Variants in NAV3 observed in about 807,000 individuals in gnomAD.
The protein encoded by NAV3 is pore membrane and/or filament interacting like protein 1.
In NAV3, 87 loss-of-function variants were observed where a neutral mutation model predicts 244.7. The observed-to-expected ratio is 0.36, with a 90% CI of 0.30 to 0.42. NAV3 has a LOEUF of 0.42. NAV3 is among the 20% of genes least tolerant of loss of function. NAV3 has a pLI of 1.00. For synonymous variants in NAV3, 1,126 were observed against 1,042.2 expected (o/e 1.08, Z -1.55); for missense variants, 2,663 against 2,893.3 (o/e 0.92, Z 1.83).
chr12:77,708,162 A>G (rs1261058747), intron 2 of NAV3, among the ~76,000 whole-genome samples: 1 of 152,026 alleles, frequency 6.6e-6, no homozygotes, highest in Non-Finnish European at 1.5e-5. Flanking sequence ...GTATTGCCTA[A>G]GTTTTCTTCT....
chr12:77,776,183 A>G (rs1290358430), intron 2 of NAV3, among the ~76,000 whole-genome samples: 1 of 152,228 alleles, frequency 6.6e-6, no homozygotes, highest in Non-Finnish European at 1.5e-5. Flanking sequence ...AATGGAATAA[A>G]TTCTAGGTGT....
intron 2 of NAV3, among the ~76,000 whole-genome samples, chr12:77,724,837 T>C (rs1876804059): frequency 6.6e-6 from 1 of 152,002 alleles, no homozygotes; most frequent in Non-Finnish European, 1.5e-5. Flanking sequence ...TTGCAATTTC[T>C]GTTAAAGTCA....
intron 2 of NAV3, among the ~76,000 whole-genome samples, chr12:77,681,436 A>G (rs1055653479): frequency 1.3e-5 from 2 of 152,200 alleles, no homozygotes; most frequent in Admixed American, 6.6e-5. Flanking sequence ...ATCAAAGCCG[A>G]ATGACAGTAG....
At position 78,143,242 on chromosome 12, in the gene NAV3, T is replaced by C. The variant is rs532938473; in HGVS notation, c.4683+2908T>C. 2.6e-5 allele frequency among the ~76,000 whole-genome samples: 4 copies of C among 152,300 alleles called. No homozygotes were observed. The East Asian group carries it at 7.7e-4, about 29-fold the overall frequency. On this transcript the variant is annotated intron_variant, in intron 20 of 39. Coordinates refer to ENST00000397909, the MANE Select transcript of NAV3 (RefSeq NM_001024383.2). Reference sequence around the variant, plus strand: ...AAAATATTAGCTAGATCTAACCCATTTGTCTCCGGATGTCTGCAAAGTGGT... The same window carrying C: ...AAAATATTAGCTAGATCTAACCCATCTGTCTCCGGATGTCTGCAAAGTGGT...
intron 5 of NAV3, among the ~76,000 whole-genome samples, chr12:77,979,991 T>C (rs1158060800): frequency 1.3e-5 from 2 of 151,908 alleles, no homozygotes; most frequent in African/African-American, 2.4e-5. Flanking sequence ...AAGGAAGAAA[T>C]GTAACTATGT....
At chr12:77,727,723 T>C (rs1434115647) in intron 2 of NAV3, among the ~76,000 whole-genome samples, 1 of 151,984 alleles carries the variant, frequency 6.6e-6, no homozygotes, top group African/African-American at 2.4e-5. Context: ...AGGTAATTAC[T>C]ATCATTACCT....
At chr12:78,095,106 T>A (rs1954180946) in intron 12 of NAV3, among the ~76,000 whole-genome samples, 1 of 148,652 alleles carries the variant, frequency 6.7e-6, no homozygotes, top group African/African-American at 2.5e-5. Context: ...TATACACATA[T>A]ATATATACAC....
chr12:77,776,658 C>T lies in NAV3; in HGVS notation c.73-163661C>T, dbSNP rs1021501018. ...GCATGCTCTGTCATTGTACCACTGA[C>T]AAACATGGTTTCTGACCAAATCTAA... On this transcript the variant is annotated intron_variant, in intron 2 of 8. Coordinates refer to the NAV3 transcript ENST00000550042. Among the ~76,000 whole-genome samples, 2 of 152,146 alleles carry T rather than the reference C, an allele frequency of 1.3e-5. 1 individual carries two copies. Among genetic ancestry groups the T allele is most frequent in the South Asian group, 4.1e-4 (2 of 4,826 alleles).
chr12:77,572,310 A>G (rs929956418), intron 2 of NAV3: 13 of 154,432 alleles, frequency 8.4e-5, no homozygotes, highest in African/African-American at 3.1e-4. Flanking sequence ...GTTTACACTT[A>G]AAGAGAATTT....
At chr12:77,996,663 G>A (rs1329331270) in intron 6 of NAV3, among the ~76,000 whole-genome samples, 1 of 151,952 alleles carries the variant, frequency 6.6e-6, no homozygotes, top group Non-Finnish European at 1.5e-5. Context: ...CTGTGAAAAT[G>A]ATATAGTCTA....
chr12:77,767,786 G>A (rs1365054780), intron 2 of NAV3, among the ~76,000 whole-genome samples: 2 of 152,206 alleles, frequency 1.3e-5, no homozygotes, highest in Non-Finnish European at 2.9e-5. Flanking sequence ...GAGCACCTAG[G>A]TCTGAGATCC....
At chr12:78,064,238 A>C (rs560208664) in intron 12 of NAV3, among the ~76,000 whole-genome samples, 1 of 152,276 alleles carries the variant, frequency 6.6e-6, no homozygotes, top group Non-Finnish European at 1.5e-5. Context: ...AACAATAGAC[A>C]TTTAGTTTTT....
At chr12:77,773,077 C>T (rs1870175577) in intron 2 of NAV3, among the ~76,000 whole-genome samples, 1 of 152,152 alleles carries the variant, frequency 6.6e-6, no homozygotes, top group African/African-American at 2.4e-5. Context: ...TCATTGACTA[C>T]AAGAACATCC....
intron 12 of NAV3, among the ~76,000 whole-genome samples, chr12:78,103,396 G>A (rs1471361590): frequency 1.3e-5 from 2 of 151,980 alleles, no homozygotes; most frequent in African/African-American, 4.8e-5. Context: ...AAAAATTTTT[G>A]TCAAAGCCAT....
At chr12:77,794,454 G>C (rs185851909) in intron 2 of NAV3, among the ~76,000 whole-genome samples, 1 of 152,078 alleles carries the variant, frequency 6.6e-6, no homozygotes, top group Admixed American at 6.5e-5. Flanking sequence ...GTCAACTGGC[G>C]GTTGATCTAG....
At chr12:77,713,194 TCAA>T (rs1876204361) in intron 2 of NAV3, among the ~76,000 whole-genome samples, 1 of 152,218 alleles carries the variant, frequency 6.6e-6, no homozygotes. Flanking sequence ...GTGAAAAATA[TCAA>T]CAAGTAATTT....
intron 25 of NAV3, 126 bp downstream of exon 25, chr12:78,175,553 A>T (rs1958184787): frequency 8.4e-7 from 1 of 1,191,088 alleles, no homozygotes; most frequent in Non-Finnish European, 1.2e-6. Context: ...TGAGACCTCA[A>T]ATGCTGCACT....
intron 2 of NAV3, among the ~76,000 whole-genome samples, chr12:77,687,132 A>G (rs1874790911): frequency 6.6e-6 from 1 of 152,098 alleles, no homozygotes; most frequent in Non-Finnish European, 1.5e-5. Context: ...CTAATGTCTT[A>G]TCCCTGGTCT....
chr12:77,655,597 T>C (rs1388819040), intron 2 of NAV3, among the ~76,000 whole-genome samples: 1 of 151,800 alleles, frequency 6.6e-6, no homozygotes, highest in Admixed American at 6.6e-5. Context: ...ATTCAGGAAA[T>C]ACAGAGAACG....
Sources: allele counts gnomAD v4.1 joint callset (sites outside exome capture counted in the v4.1 genomes callset), GRCh38; gene constraint gnomAD v4.1.1; transcripts MANE v1.5; gene names NCBI Gene and HGNC (gene_info 2026-07-23, HGNC 2026-07-21).